The following RSPO4 variants were observed in gnomAD, a reference collection of about 807,000 sequenced individuals.
The protein encoded by RSPO4 is R-spondin 4, also known as R-spondin-4.
In RSPO4, 23 loss-of-function variants were observed where a neutral mutation model predicts 24.8. The ratio of observed to expected loss-of-function variants is 0.93; its 90% confidence interval spans 0.67 to 1.31. RSPO4 has a LOEUF of 1.31. RSPO4 is among the 40% of genes most tolerant of loss of function. RSPO4 has a pLI of 0.00. For missense variants in RSPO4, 333 were observed against 316.5 expected, an observed-to-expected ratio of 1.05 and a Z score of -0.39; for synonymous variants, 141 against 127.4, an observed-to-expected ratio of 1.11 and a Z score of -0.72.
At chr20:966,279 G>A (rs1256152208) in intron 3 of RSPO4, among the ~76,000 whole-genome samples, 1 of 152,172 alleles carries the variant, frequency 6.6e-6, no homozygotes, top group Non-Finnish European at 1.5e-5. Flanking sequence ...CTCACAGGCA[G>A]GAGTGTGACA....
intron 1 of RSPO4, among the ~76,000 whole-genome samples, chr20:982,550 C>G (rs1261912271): frequency 2.0e-5 from 3 of 152,202 alleles, no homozygotes; most frequent in African/African-American, 7.2e-5. Flanking sequence ...AATAACAGCG[C>G]CCGGCACCCA....
intron 1 of RSPO4, among the ~76,000 whole-genome samples, chr20:974,715 G>T (rs970466913): frequency 1.3e-5 from 2 of 152,172 alleles, no homozygotes; most frequent in African/African-American, 4.8e-5. Flanking sequence ...GGAGGATATA[G>T]ATCAGAGCTG....
chr20:970,713 GA>G lies in RSPO4; in HGVS notation c.80-2576del, dbSNP rs1568912604. On this transcript the variant is annotated intron_variant, in intron 1 of 4. Transcript: ENST00000217260. The surrounding 1 kb of genome is among the most constrained non-coding windows in gnomAD (Gnocchi z 4.1). ...AAGATTCAGATTCTGATACTACCCAGAGCTGGCAAGAATGAGAGGAAACCTT... is the reference window on the plus strand; with the variant it reads ...AAGATTCAGATTCTGATACTACCCAGGCTGGCAAGAATGAGAGGAAACCTT... 6.6e-6 allele frequency among the ~76,000 whole-genome samples: 1 copy of G among 152,190 alleles called. No homozygotes were observed. The highest frequency in any genetic ancestry group is 1.5e-5 in the Non-Finnish European group (1 of 68,032).
At chr20:995,691 C>T (rs1413303269) in intron 1 of RSPO4, among the ~76,000 whole-genome samples, 1 of 152,186 alleles carries the variant, frequency 6.6e-6, no homozygotes. Context: ...TGTTGCTATA[C>T]CACCCACTGG....
At chr20:991,103 T>C (rs1339852703) in intron 1 of RSPO4, among the ~76,000 whole-genome samples, 2 of 152,010 alleles carry the variant, frequency 1.3e-5, no homozygotes, top group African/African-American at 2.4e-5. Flanking sequence ...CTCTGGAGTG[T>C]GACTTTGCTT....
At chr20:997,496 T>G (rs757156847) in intron 1 of RSPO4, among the ~76,000 whole-genome samples, 1 of 152,342 alleles carries the variant, frequency 6.6e-6, no homozygotes, top group Non-Finnish European at 1.5e-5. Context: ...GGTTACATTC[T>G]ATTAAGACTC....
At chr20:963,268 T>G (rs1258166544) in intron 4 of RSPO4, among the ~76,000 whole-genome samples, 1 of 152,206 alleles carries the variant, frequency 6.6e-6, no homozygotes, top group Non-Finnish European at 1.5e-5. Flanking sequence ...CTGAAAAGTC[T>G]GCTTGCTGGG....
chr20:1,001,645 G>A (rs757522112), intron 1 of RSPO4, among the ~76,000 whole-genome samples: 24 of 152,176 alleles, frequency 1.6e-4, no homozygotes, highest in Non-Finnish European at 3.4e-4. Context: ...GGTGAGTGAT[G>A]AGGCTGGGAC....
intron 1 of RSPO4, among the ~76,000 whole-genome samples, chr20:972,995 A>G (rs1382176346): frequency 6.6e-6 from 1 of 152,262 alleles, no homozygotes; most frequent in South Asian, 2.1e-4. Context: ...ACACCCTGAC[A>G]TGGCGTTGCT....
chr20:1,002,084 A>G lies in RSPO4; in HGVS notation c.79+2T>C. The G allele has an allele frequency of 1.9e-6, 3 of 1,555,258 alleles. No homozygotes were observed. Among genetic ancestry groups the G allele is most frequent in the Non-Finnish European group, 2.6e-6 (3 of 1,149,174 alleles). Reference sequence around the variant, plus strand: ...GCCGCCCTGCCCAGCCACCCCTTGTACCTTGCTTCTTCCTTCGGTTCAGGG... The same window carrying G: ...GCCGCCCTGCCCAGCCACCCCTTGTGCCTTGCTTCTTCCTTCGGTTCAGGG... On this transcript the variant is annotated splice_donor_variant, in intron 1 of 4. Coordinates refer to ENST00000217260, the MANE Select transcript of RSPO4 (RefSeq NM_001029871.4). LOFTEE classifies it high-confidence loss of function. This position sits in a 1 kb window ranked among gnomAD's most constrained non-coding sequence, Gnocchi z 4.6.
At chr20:998,027 T>C (rs1985349176) in intron 1 of RSPO4, among the ~76,000 whole-genome samples, 2 of 152,164 alleles carry the variant, frequency 1.3e-5, no homozygotes, top group African/African-American at 2.4e-5. Context: ...ATCTTCCCAA[T>C]TGCTCAGAGA....
rs139999224 is a variant in RSPO4, at chr20:970,670, G to C, written c.80-2532C>G. Among the ~76,000 whole-genome samples the C allele has an allele frequency of 6.6e-6, 1 of 152,048 alleles. No individual in the cohort carries two copies. The highest frequency in any genetic ancestry group is 1.5e-5 in the Non-Finnish European group (1 of 68,014). ...ATCCACTGAGAATTTAGCAGAGTCCGGACTTCTCACTCAGCAAAAGATTCA... is the reference window on the plus strand; with the variant it reads ...ATCCACTGAGAATTTAGCAGAGTCCCGACTTCTCACTCAGCAAAAGATTCA... On this transcript the variant is annotated intron_variant, in intron 1 of 4. Coordinates refer to ENST00000217260, the MANE Select transcript of RSPO4 (RefSeq NM_001029871.4). The surrounding 1 kb of genome is among the most constrained non-coding windows in gnomAD (Gnocchi z 4.1).
At chr20:964,519 C>A (rs767255764) in intron 3 of RSPO4, among the ~76,000 whole-genome samples, 2 of 151,680 alleles carry the variant, frequency 1.3e-5, no homozygotes, top group East Asian at 3.9e-4. Context: ...CTCAGGAAGG[C>A]GGGGACAGGA....
intron 4 of RSPO4, among the ~76,000 whole-genome samples, chr20:962,969 G>A (rs757108248): frequency 8.5e-5 from 13 of 152,188 alleles, no homozygotes; most frequent in Admixed American, 1.3e-4. Flanking sequence ...ATGAGTTAAC[G>A]ATTATAGAGA....
At chr20:992,573 CACTG>C (rs918169064) in intron 1 of RSPO4, among the ~76,000 whole-genome samples, 8 of 152,162 alleles carry the variant, frequency 5.3e-5, no homozygotes, top group African/African-American at 1.4e-4. Context: ...ATTAAAGAAA[CACTG>C]ACTGTCTTCC....
intron 1 of RSPO4, among the ~76,000 whole-genome samples, chr20:989,919 G>A (rs1026859277): frequency 1.3e-5 from 2 of 152,214 alleles, no homozygotes; most frequent in Non-Finnish European, 2.9e-5. Flanking sequence ...GCTAATGCTG[G>A]CTGAGTGTTC....
intron 1 of RSPO4, among the ~76,000 whole-genome samples, chr20:971,767 T>C (rs945082664): frequency 2.0e-5 from 3 of 152,184 alleles, no homozygotes; most frequent in African/African-American, 4.8e-5. Flanking sequence ...AAATGTTTAT[T>C]ATATTATTTT....
intron 4 of RSPO4, among the ~76,000 whole-genome samples, chr20:962,509 G>A (rs1286360895): frequency 6.6e-6 from 1 of 152,174 alleles, no homozygotes; most frequent in Non-Finnish European, 1.5e-5. Flanking sequence ...CATGAGAGGT[G>A]CCATGTGGTA....
chr20:996,137 G>T (rs1220027911), intron 1 of RSPO4, among the ~76,000 whole-genome samples: 1 of 152,062 alleles, frequency 6.6e-6, no homozygotes, highest in African/African-American at 2.4e-5. Flanking sequence ...GGTTTGCAAG[G>T]CCTAAAGTAT....
Sources: gnomAD v4.1 joint callset for allele counts (sites outside exome capture counted in the v4.1 genomes callset) on GRCh38, gnomAD v4.1.1 for gene constraint, Gnocchi (gnomAD v3.1) non-coding constraint, MANE v1.5 for transcripts, NCBI Gene and HGNC (gene_info 2026-07-23, HGNC 2026-07-21) for gene names.